Variants in PDE4D observed in about 807,000 individuals in gnomAD.
PDE4D encodes 3',5'-cyclic-AMP phosphodiesterase 4D.
PDE4D carries 24 observed loss-of-function variants against 87.4 expected under a neutral mutation model. The ratio of observed to expected loss-of-function variants is 0.27; its 90% CI spans 0.20 to 0.39. The LOEUF is 0.39. PDE4D is among the 10% of genes least tolerant of loss of function. PDE4D has a pLI of 1.00. For missense variants in PDE4D, 714 were observed against 1,041.0 expected (o/e 0.69, Z 4.32); for synonymous variants, 384 against 383.2 (o/e 1.00, Z -0.02).
At chr5:59,438,548 G>T (rs554140784) in intron 1 of PDE4D, among the ~76,000 whole-genome samples, 2 of 152,260 alleles carry the variant, frequency 1.3e-5, no homozygotes, top group African/African-American at 4.8e-5. Context: ...TCTTCAGTTT[G>T]TCTGAATAGT....
At chr5:59,356,888 C>A in intron 1 of PDE4D, 1 of 1,512,548 alleles carries the variant, frequency 6.6e-7, no homozygotes, top group South Asian at 1.3e-5. Flanking sequence ...CACGAGAAGT[C>A]AGAGCTGGTG....
chr5:59,626,783 C>T (rs1035312117), intron 1 of PDE4D, among the ~76,000 whole-genome samples: 6 of 152,174 alleles, frequency 3.9e-5, no homozygotes, highest in South Asian at 4.1e-4. Flanking sequence ...CTTTAATGAA[C>T]GCTGAGCTAA....
At chr5:60,513,060 C>T (rs956864489) in intron 1 of PDE4D, among the ~76,000 whole-genome samples, 2 of 151,938 alleles carry the variant, frequency 1.3e-5, no homozygotes, top group African/African-American at 4.8e-5. Flanking sequence ...AAAGGGGAAA[C>T]AAAAGATGAG....
At chr5:59,034,422 T>C (rs1017537910) in intron 6 of PDE4D, among the ~76,000 whole-genome samples, 5 of 152,218 alleles carry the variant, frequency 3.3e-5, no homozygotes, top group African/African-American at 1.2e-4. Context: ...AAGTTTAACA[T>C]TTATATCTGT....
chr5:59,029,483 A>G lies in PDE4D; in HGVS notation c.921+9376T>C, dbSNP rs1262268421. Among the ~76,000 whole-genome samples, 5 of 151,740 alleles carry G rather than the reference A, an allele frequency of 3.3e-5. No homozygotes were observed. In the East Asian group the frequency reaches 9.7e-4, roughly 29 times the overall value. ...ACAAGGTGAAAGATCTATACACTGG[A>G]AACTACAAGACATTGATTTAAACAA... is the stretch of plus-strand genomic sequence containing the variant. On this transcript the variant is annotated intron_variant, in intron 6 of 14. Coordinates refer to ENST00000340635, the MANE Select transcript of PDE4D (RefSeq NM_001104631.2).
intron 1 of PDE4D, among the ~76,000 whole-genome samples, chr5:59,540,373 C>CA (rs900449545): frequency 1.3e-5 from 2 of 151,602 alleles, no homozygotes; most frequent in African/African-American, 2.4e-5. Flanking sequence ...CAAAAAAAAC[C>CA]AAAAAACAGA....
chr5:60,020,787 G>T (rs1765987098), intron 2 of PDE4D, among the ~76,000 whole-genome samples: 1 of 151,982 alleles, frequency 6.6e-6, no homozygotes, highest in East Asian at 1.9e-4. Context: ...CAAATTGTGA[G>T]GAAAAAAAAT....
At chr5:59,566,351 A>G (rs1461319475) in intron 1 of PDE4D, among the ~76,000 whole-genome samples, 1 of 152,108 alleles carries the variant, frequency 6.6e-6, no homozygotes, top group Admixed American at 6.5e-5. Context: ...CATTCACCAC[A>G]TAAGGTTCTC....
chr5:59,503,868 T>C (rs765577045), intron 1 of PDE4D, among the ~76,000 whole-genome samples: 5 of 151,946 alleles, frequency 3.3e-5, no homozygotes, highest in Non-Finnish European at 7.4e-5. Flanking sequence ...GGAACATACA[T>C]ATGATTTTAA....
At chr5:59,154,002 G>A (rs1397557062) in intron 5 of PDE4D, among the ~76,000 whole-genome samples, 1 of 152,168 alleles carries the variant, frequency 6.6e-6, no homozygotes, top group African/African-American at 2.4e-5. Flanking sequence ...GAAACATGGT[G>A]CACGTGGGTG....
chr5:59,180,588 T>C lies in PDE4D; in HGVS notation c.808+7A>G, dbSNP rs1378200821. The C allele has an allele frequency of 6.2e-7, 1 of 1,612,380 alleles. No homozygotes were observed. The highest frequency in any genetic ancestry group is 1.3e-5 in the African/African-American group (1 of 75,036). ...CACATGAAGAATAAGCTCCAGATCT[T>C]TCTTACCTGTTATGGTGGCTTTGTT... On this transcript the variant is annotated splice_region_variant and intron_variant, in intron 5 of 14. Coordinates refer to ENST00000340635, the MANE Select transcript of PDE4D (RefSeq NM_001104631.2).
chr5:59,541,585 C>A (rs1040333380), intron 1 of PDE4D, among the ~76,000 whole-genome samples: 5 of 152,184 alleles, frequency 3.3e-5, no homozygotes, highest in African/African-American at 1.2e-4. Context: ...ACTATCTCCT[C>A]CCCCTTTATA....
intron 1 of PDE4D, among the ~76,000 whole-genome samples, chr5:60,226,555 T>C (rs556566127): frequency 6.6e-6 from 1 of 152,158 alleles, no homozygotes; most frequent in Non-Finnish European, 1.5e-5. Context: ...TAATTTTTTA[T>C]TTGAAAAACA....
At chr5:59,069,977 G>T (rs1221095042) in intron 5 of PDE4D, among the ~76,000 whole-genome samples, 8 of 152,028 alleles carry the variant, frequency 5.3e-5, no homozygotes, top group African/African-American at 1.7e-4. Context: ...AGTCTTTCTA[G>T]AAGGTAGATC....
intron 1 of PDE4D, among the ~76,000 whole-genome samples, chr5:59,704,512 T>G (rs1000898265): frequency 1.3e-5 from 2 of 152,264 alleles, no homozygotes; most frequent in South Asian, 4.1e-4. Context: ...TTCTCCAGCA[T>G]TGACTGAGAA....
intron 2 of PDE4D, among the ~76,000 whole-genome samples, chr5:60,170,402 G>A (rs571812876): frequency 6.6e-6 from 1 of 151,862 alleles, no homozygotes; most frequent in South Asian, 2.1e-4. Flanking sequence ...AAAAAAGAAG[G>A]AAAAGAGTGA....
chr5:59,181,182 A>AT (rs1164365358), intron 4 of PDE4D, among the ~76,000 whole-genome samples: 1 of 152,108 alleles, frequency 6.6e-6, no homozygotes, highest in African/African-American at 2.4e-5. Flanking sequence ...AGGTATATTA[A>AT]TGACTTGTCC....
At chr5:60,150,781 G>T (rs1396558687) in intron 2 of PDE4D, among the ~76,000 whole-genome samples, 1 of 152,134 alleles carries the variant, frequency 6.6e-6, no homozygotes, top group Non-Finnish European at 1.5e-5. Flanking sequence ...CCACTTCCCT[G>T]AAAGTATGGC....
intron 5 of PDE4D, among the ~76,000 whole-genome samples, chr5:59,058,388 T>C (rs1762651126): frequency 6.6e-6 from 1 of 152,146 alleles, no homozygotes; most frequent in African/African-American, 2.4e-5. Context: ...GAGCCTTTCA[T>C]TCTCCAGATG....
Sources: allele counts gnomAD v4.1 joint callset (sites outside exome capture counted in the v4.1 genomes callset), GRCh38; gene constraint gnomAD v4.1.1; transcripts MANE v1.5; gene names NCBI Gene and HGNC (gene_info 2026-07-23, HGNC 2026-07-21).